Variants in ROBO2 observed in about 807,000 individuals in gnomAD.
ROBO2 encodes the protein roundabout homolog 2.
In ROBO2, 53 loss-of-function variants were observed where a neutral mutation model predicts 160.8. That is an observed-to-expected ratio of 0.33 (90% CI 0.26 to 0.41). ROBO2 has a LOEUF of 0.41. Ranked by LOEUF, ROBO2 falls within the 10% of genes least tolerant of loss-of-function variation. The pLI, the probability that ROBO2 is intolerant of heterozygous loss-of-function variation, is 1.00. For synonymous variants in ROBO2, 664 were observed against 611.7 expected, an observed-to-expected ratio of 1.09 and a Z score of -1.26; for missense variants, 1,577 against 1,722.4, an observed-to-expected ratio of 0.92 and a Z score of 1.49.
At chr3:76,446,142 C>A (rs2077169572) in intron 2 of ROBO2, among the ~76,000 whole-genome samples, 1 of 152,156 alleles carries the variant, frequency 6.6e-6, no homozygotes, top group Non-Finnish European at 1.5e-5. Flanking sequence ...TAGAAAACCC[C>A]ATCGTCTCAG....
At chr3:76,163,299 A>C (rs2106935218) in intron 2 of ROBO2, among the ~76,000 whole-genome samples, 1 of 151,898 alleles carries the variant, frequency 6.6e-6, no homozygotes, top group African/African-American at 2.4e-5. Context: ...AAAAGATTAT[A>C]TTTGTTAGGT....
intron 5 of ROBO2, among the ~76,000 whole-genome samples, chr3:77,517,359 G>A (rs2090133321): frequency 6.6e-6 from 1 of 151,458 alleles, no homozygotes; most frequent in African/African-American, 2.4e-5. Context: ...CATTGAACAA[G>A]TAGAAGAGAA....
intron 2 of ROBO2, among the ~76,000 whole-genome samples, chr3:76,631,218 T>A (rs2109452137): frequency 6.6e-6 from 1 of 152,320 alleles, no homozygotes; most frequent in African/African-American, 2.4e-5. Flanking sequence ...GGAAAAATGC[T>A]AATATTAAAA....
intron 5 of ROBO2, among the ~76,000 whole-genome samples, chr3:77,500,487 T>C (rs1361278093): frequency 1.3e-5 from 2 of 152,150 alleles, no homozygotes; most frequent in African/African-American, 4.8e-5. Flanking sequence ...AGATAGAAAC[T>C]TAGATAATTG....
intron 2 of ROBO2, among the ~76,000 whole-genome samples, chr3:76,274,352 A>T (rs1018787891): frequency 2.7e-5 from 4 of 149,516 alleles, no homozygotes; most frequent in Admixed American, 1.3e-4. Context: ...AGTATAATTA[A>T]AAAAAAAAAG....
At chr3:76,074,414 TAA>T (rs1559889783) in intron 2 of ROBO2, among the ~76,000 whole-genome samples, 9 of 152,314 alleles carry the variant, frequency 5.9e-5, no homozygotes, top group Middle Eastern at 3.4e-3. Flanking sequence ...GCTCATGATG[TAA>T]AAATATTCAG....
intron 2 of ROBO2, among the ~76,000 whole-genome samples, chr3:76,388,421 G>A (rs933937587): frequency 6.6e-6 from 1 of 151,868 alleles, no homozygotes. Flanking sequence ...ACAGGCACCC[G>A]CCGCCACGCC....
intron 9 of ROBO2, among the ~76,000 whole-genome samples, chr3:77,559,714 G>A (rs2093257372): frequency 6.6e-6 from 1 of 151,874 alleles, no homozygotes; most frequent in Non-Finnish European, 1.5e-5. Context: ...TCTGATTATC[G>A]CTATATCATA....
intron 2 of ROBO2, among the ~76,000 whole-genome samples, chr3:76,484,663 T>G (rs2079393383): frequency 6.6e-6 from 1 of 152,140 alleles, no homozygotes; most frequent in African/African-American, 2.4e-5. Flanking sequence ...ACTGGATAAT[T>G]TGTGTTAGGT....
chr3:75,908,540 CATATAAA>C (rs1946443303), intron 1 of ROBO2, among the ~76,000 whole-genome samples: 1 of 151,950 alleles, frequency 6.6e-6, no homozygotes, highest in African/African-American at 2.4e-5. Flanking sequence ...TATTATGGAA[CATATAAA>C]ATATATGAAT....
At chr3:76,980,512 TATATTAATGGG>T (rs1407646142) in intron 2 of ROBO2, among the ~76,000 whole-genome samples, 3 of 152,174 alleles carry the variant, frequency 2.0e-5, no homozygotes, top group African/African-American at 7.2e-5. Context: ...TACCACAGAT[TATATTAATGGG>T]ATAACATCAA....
At chr3:77,518,842 A>C (rs901105901) in intron 5 of ROBO2, among the ~76,000 whole-genome samples, 1 of 151,506 alleles carries the variant, frequency 6.6e-6, no homozygotes, top group African/African-American at 2.4e-5. Flanking sequence ...TAGACCGTTA[A>C]AAATTATTAC....
chr3:76,848,411 A>C (rs2068982069), intron 2 of ROBO2, among the ~76,000 whole-genome samples: 1 of 152,138 alleles, frequency 6.6e-6, no homozygotes, highest in Non-Finnish European at 1.5e-5. Flanking sequence ...TCAAGCTACC[A>C]GCGTGAAGTC....
At chr3:76,929,060 G>C (rs1444904834) in intron 2 of ROBO2, among the ~76,000 whole-genome samples, 1 of 152,112 alleles carries the variant, frequency 6.6e-6, no homozygotes, top group Non-Finnish European at 1.5e-5. Flanking sequence ...AGGAGTTTGA[G>C]ACCAGCCTGG....
rs114974792 is a variant in ROBO2 at position 76,870,664 on chromosome 3, C to T, written c.110-227350C>T. ...TTTGGTAAATATTAATTTAATAAAT[C>T]TTCAGCTTAGTTATGATCCAGTTTC... On this transcript the variant is annotated intron_variant, in intron 2 of 26. Transcript: ENST00000487694. Among the ~76,000 whole-genome samples the T allele has an allele frequency of 3.9e-3, 597 of 152,142 alleles. 3 individuals carry two copies. The highest frequency in any genetic ancestry group is 0.013 in the African/African-American group (557 of 41,488).
At chr3:76,658,678 T>G (rs1348366556) in intron 2 of ROBO2, among the ~76,000 whole-genome samples, 2 of 152,184 alleles carry the variant, frequency 1.3e-5, no homozygotes, top group African/African-American at 4.8e-5. Flanking sequence ...ATCCTTTCTA[T>G]GGATGCGTAG....
chr3:76,066,746 C>G (rs187471399), intron 2 of ROBO2, among the ~76,000 whole-genome samples: 2 of 151,794 alleles, frequency 1.3e-5, no homozygotes, highest in Admixed American at 1.3e-4. Flanking sequence ...CTTAGTGTTA[C>G]TTTATAGTAA....
intron 2 of ROBO2, among the ~76,000 whole-genome samples, chr3:75,991,835 A>G (rs1030958003): frequency 1.3e-5 from 2 of 152,128 alleles, no homozygotes; most frequent in African/African-American, 4.8e-5. Context: ...GGTGGGGGAG[A>G]TCTCAGATGG....
intron 2 of ROBO2, among the ~76,000 whole-genome samples, chr3:76,099,939 C>T (rs753537809): frequency 5.9e-5 from 9 of 152,096 alleles, no homozygotes; most frequent in Non-Finnish European, 8.8e-5. Context: ...GAATAGTTTT[C>T]GTCTGTAGGT....
Sources: allele counts gnomAD v4.1 joint callset (sites outside exome capture counted in the v4.1 genomes callset), GRCh38; gene constraint gnomAD v4.1.1; transcripts MANE v1.5; gene names NCBI Gene and HGNC (gene_info 2026-07-23, HGNC 2026-07-21).